LIPG: variants seen among roughly 807,000 people sequenced by gnomAD.
LIPG encodes lipase G, endothelial type.
A neutral mutation model predicts 51.8 loss-of-function variants in LIPG; 34 were observed. That is an observed-to-expected ratio of 0.66 (90% CI 0.50 to 0.87). The LOEUF (loss-of-function observed/expected upper bound fraction) is 0.87. Among genes scored for constraint, LIPG ranks in the 40% least tolerant of loss-of-function variants. The pLI, the probability that LIPG is intolerant of heterozygous loss-of-function variation, is 0.00. For synonymous variants in LIPG, 246 were observed against 246.1 expected, an observed-to-expected ratio of 1.00 and a Z score of 0.00; for missense variants, 580 against 652.7, an observed-to-expected ratio of 0.89 and a Z score of 1.21.
At chr18:49,586,058 G>A (rs1244280463) in intron 8 of LIPG, among the ~76,000 whole-genome samples, 3 of 152,144 alleles carry the variant, frequency 2.0e-5, no homozygotes, top group African/African-American at 4.8e-5. Flanking sequence ...ACGTGGTCAC[G>A]CTAATCACAC....
chr18:49,567,997 A>AG (rs1395699488), intron 3 of LIPG, among the ~76,000 whole-genome samples: 1 of 144,188 alleles, frequency 6.9e-6, no homozygotes, highest in East Asian at 1.9e-4. Flanking sequence ...GGCTGTGCTG[A>AG]GGGTGGGGAG....
intron 8 of LIPG, 132 bp downstream of exon 8, chr18:49,583,906 C>G (rs1329969886): frequency 1.3e-6 from 1 of 782,372 alleles, no homozygotes; most frequent in African/African-American, 1.7e-5. Context: ...CTTCAAACAC[C>G]TTTGCAAGGA....
In LIPG at chr18:49,597,475, A is replaced by C. The variant is rs2084988683; in HGVS notation, c.*6953A>C. ...AAAGACTAATATGTAAATAAAAGGA[A>C]TAAGAATCAAACAAATATAAATCAG... On this transcript the variant is annotated 3_prime_UTR_variant, in exon 10 of 10. Transcript: ENST00000261292. The C allele has an allele frequency of 6.6e-6, 1 of 152,250 alleles. No homozygotes were observed. Among genetic ancestry groups the C allele is most frequent in the Non-Finnish European group, 1.5e-5 (1 of 68,050 alleles). The allele number at this position is 152,250 out of a possible 1,614,324, so 9.4% of individuals were successfully genotyped here.
upstream of LIPG, chr18:49,561,712 C>T (rs2084551247): frequency 1.3e-5 from 16 of 1,244,960 alleles, no homozygotes; most frequent in Non-Finnish European, 1.5e-5. Context: ...GGGATCGCCT[C>T]CCCAGCGGAC....
At position 49,598,258 on chromosome 18, in the gene LIPG, C is replaced by T. The variant is rs1409508472; in HGVS notation, c.*7736C>T. 6.6e-6 allele frequency: 1 copy of T among 152,260 alleles called. No homozygotes were observed. Among genetic ancestry groups the T allele is most frequent in the Non-Finnish European group, 1.5e-5 (1 of 68,156 alleles). The allele number at this position is 152,260 out of a possible 1,614,324, so 9.4% of individuals were successfully genotyped here. A position where few individuals can be genotyped will look rare whatever the true frequency, so the allele number is the denominator to read the frequency against. On this transcript the variant is annotated 3_prime_UTR_variant, in exon 10 of 10. Coordinates refer to ENST00000261292, the MANE Select transcript of LIPG (RefSeq NM_006033.4). ...GGCCCAGGCTGGAGTGTGGTGGCGCCATCACTGCTCACTGCAGCCTCGACC... is the reference window on the plus strand; with the variant it reads ...GGCCCAGGCTGGAGTGTGGTGGCGCTATCACTGCTCACTGCAGCCTCGACC...
chr18:49,582,503 G>C (rs758216123), intron 7 of LIPG, 21 bp downstream of exon 7: 1 of 1,614,056 alleles, frequency 6.2e-7, no homozygotes, highest in Admixed American at 1.7e-5. Context: ...CGTTTCCCTT[G>C]CTGGGTTCGG....
chr18:49,574,683 C>G (rs778764939), intron 4 of LIPG, among the ~76,000 whole-genome samples: 14 of 152,060 alleles, frequency 9.2e-5, no homozygotes, highest in Non-Finnish European at 1.2e-4. Context: ...AGAACCAGTG[C>G]TCTCAACAGT....
intron 9 of LIPG, among the ~76,000 whole-genome samples, chr18:49,587,100 C>T (rs2084888688): frequency 8.0e-6 from 1 of 125,094 alleles, no homozygotes. Flanking sequence ...GAAACCCCAT[C>T]TCTACTAAAA....
intron 5 of LIPG, among the ~76,000 whole-genome samples, chr18:49,577,994 G>C (rs1156776761): frequency 1.2e-4 from 16 of 137,564 alleles, no homozygotes; most frequent in East Asian, 9.0e-4. Context: ...CCTCCCTCCC[G>C]GACGGCACGG....
chr18:49,573,454 C>G (rs1349591536), intron 4 of LIPG, among the ~76,000 whole-genome samples: 1 of 152,058 alleles, frequency 6.6e-6, no homozygotes, highest in African/African-American at 2.4e-5. Flanking sequence ...GTGGCTTATG[C>G]CTGTAATCCC....
rs201994848 is a variant in LIPG, at chr18:49,562,332, C to T, written c.24C>T (p.Leu8=). The change falls in exon 1 of 10, where the codon CTC becomes CTT. Residue 8 remains leucine, a synonymous_variant. Coordinates refer to ENST00000261292, the MANE Select transcript of LIPG (RefSeq NM_006033.4). MSNSVPL[L]CFWSLCYCFA... ...GGATGAGCAACTCCGTTCCTCTGCT[C>T]TGTTTCTGGAGCCTCTGCTATTGCT... 1 of 1,613,666 alleles carries T rather than the reference C, an allele frequency of 6.2e-7. No individual in the cohort carries two copies. The highest frequency in any genetic ancestry group is 1.3e-5 in the African/African-American group (1 of 75,018).
chr18:49,579,622 A>G (rs1345361225), intron 5 of LIPG, among the ~76,000 whole-genome samples: 5 of 151,894 alleles, frequency 3.3e-5, no homozygotes, highest in Non-Finnish European at 2.9e-5. Context: ...TGTGCCCTCC[A>G]CATGTCCTGC....
At chr18:49,566,337 A>T (rs940059024) in intron 2 of LIPG, among the ~76,000 whole-genome samples, 4 of 152,190 alleles carry the variant, frequency 2.6e-5, no homozygotes, top group African/African-American at 9.7e-5. Context: ...AATCAGAATC[A>T]TATGTGTGAA....
chr18:49,576,443 A>C, intron 5 of LIPG, among the ~76,000 whole-genome samples: 1 of 130,678 alleles, frequency 7.7e-6, no homozygotes, highest in African/African-American at 2.9e-5. Context: ...CTTTTTTTAA[A>C]AGACAGAATC....
intron 4 of LIPG, among the ~76,000 whole-genome samples, chr18:49,570,839 A>G (rs2084654102): frequency 1.3e-5 from 2 of 152,208 alleles, no homozygotes; most frequent in Admixed American, 1.3e-4. Context: ...AAAAAACAAA[A>G]CAAAACTCAG....
intron 8 of LIPG, among the ~76,000 whole-genome samples, chr18:49,584,912 C>A (rs1203751603): frequency 1.3e-5 from 2 of 152,170 alleles, no homozygotes; most frequent in Non-Finnish European, 2.9e-5. Context: ...GTTTAGATAT[C>A]AGATTTTTAA....
rs111914724 is a variant in LIPG at position 49,579,817 on chromosome 18, T to C, written c.794-1598T>C. The stretch of plus-strand genomic sequence containing the variant: ...TCTTTTCTTTTCTTTTCTTTTCTTT[T>C]CTTTACTTTACTTTTGATGGAGTTT... On this transcript the variant is annotated intron_variant, in intron 5 of 9. Transcript: ENST00000261292. Among the ~76,000 whole-genome samples, 509 of 135,206 alleles carry C rather than the reference T, an allele frequency of 3.8e-3. 13 individuals carry two copies. The highest frequency in any genetic ancestry group is 0.012 in the African/African-American group (430 of 34,552). The allele number at this position is 135,206 out of a possible 152,430, so 88.7% of individuals were successfully genotyped here.
intron 1 of LIPG, among the ~76,000 whole-genome samples, chr18:49,564,789 G>C (rs1323789401): frequency 1.3e-5 from 2 of 152,206 alleles, no homozygotes; most frequent in Admixed American, 1.3e-4. Context: ...GAGGCTATTG[G>C]TTATCTTTAT....
chr18:49,585,794 G>A (rs1266172950), intron 8 of LIPG, among the ~76,000 whole-genome samples: 3 of 152,210 alleles, frequency 2.0e-5, no homozygotes, highest in African/African-American at 7.2e-5. Flanking sequence ...TGGATGAAGA[G>A]TTCCCTTTTC....
Sources: allele counts gnomAD v4.1 joint callset (sites outside exome capture counted in the v4.1 genomes callset), GRCh38; gene constraint gnomAD v4.1.1; transcripts MANE v1.5; gene names NCBI Gene and HGNC (gene_info 2026-07-23, HGNC 2026-07-21).